Variants in ZDHHC8 observed in about 807,000 individuals in gnomAD.
The protein encoded by ZDHHC8 is zDHHC palmitoyltransferase 8, also known as palmitoyltransferase ZDHHC8.
In ZDHHC8, 24 loss-of-function variants were observed where a neutral mutation model predicts 61.2. The ratio of observed to expected loss-of-function variants is 0.39; its 90% CI spans 0.28 to 0.55. The LOEUF is 0.55. Among genes scored for constraint, ZDHHC8 ranks in the 20% least tolerant of loss-of-function variants. The pLI is 0.60. For synonymous variants in ZDHHC8, 523 were observed against 492.5 expected (o/e 1.06, Z -0.82); for missense variants, 935 against 1,102.1 (o/e 0.85, Z 2.15).
Position 20,131,970 on chromosome 22 carries a change from G to A in ZDHHC8, c.23G>A (p.Arg8His), listed in dbSNP as rs772041251. The change falls in exon 1 of 11, where the codon CGC becomes CAC. Residue 8 changes from arginine (R) to histidine (H), a missense_variant. By Grantham distance (29) the Arg-to-His change is conservative (BLOSUM62 0). Coordinates refer to ENST00000334554, the MANE Select transcript of ZDHHC8 (RefSeq NM_013373.4). ...AGGATGCCCCGCAGCCCCGGGACGC[G>A]CCTCAAACCCGCCAAGTACATCCCG... is the stretch of plus-strand genomic sequence containing the variant. MPRSPGT[R>H]LKPAKYIPVA... 3 of 1,315,728 alleles carry A rather than the reference G, an allele frequency of 2.3e-6. No individual in the cohort carries two copies. The highest frequency in any genetic ancestry group is 3.0e-5 in the South Asian group (2 of 67,262). 81.5% of individuals were successfully genotyped at this position (1,315,728 alleles called of 1,614,324 possible).
chr22:20,142,868 C>G lies in ZDHHC8; in HGVS notation c.1238C>G (p.Ala413Gly). The G allele has an allele frequency of 1.2e-6, 2 of 1,612,184 alleles. No individual in the cohort carries two copies. The highest frequency in any genetic ancestry group is 2.2e-5 in the South Asian group (2 of 91,022). Residue 413 changes from alanine (A) to glycine (G), a missense_variant, in exon 10 of 11, where the codon GCC (alanine) becomes GGC (glycine). Transcript: ENST00000334554. ...TATGGGCCAGGGGGCCTGCATGCAG[C>G]CTACCCGCCATCCCCACCGCTCAGC... is the stretch of plus-strand genomic sequence containing the variant. ...PDYGPGGLHAAYPPSPPLSAS... is the reference protein window; with the variant it reads ...PDYGPGGLHAGYPPSPPLSAS...
intron 9 of ZDHHC8, 133 bp from the exon 10 acceptor site, chr22:20,142,623 C>T (rs753974989): frequency 5.0e-6 from 6 of 1,193,740 alleles, no homozygotes; most frequent in Non-Finnish European, 7.1e-6. Flanking sequence ...CCATGGGTCA[C>T]TATGTGGCTC....
intron 4 of ZDHHC8, 89 bp from the exon 5 acceptor site, chr22:20,140,026 G>A: frequency 6.3e-7 from 1 of 1,592,314 alleles, no homozygotes; most frequent in Non-Finnish European, 8.6e-7. Flanking sequence ...CCCTAGGTTG[G>A]GAGGAGGTTT....
rs1242391895 is a variant in ZDHHC8, at chr22:20,146,009, G to A, written c.*609G>A. 4.1e-6 allele frequency: 4 copies of A among 985,934 alleles called. No individual in the cohort carries two copies. The highest frequency in any genetic ancestry group is 4.8e-6 in the Non-Finnish European group (4 of 830,086). 61.1% of individuals were successfully genotyped at this position (985,934 alleles called of 1,614,324 possible). On this transcript the variant is annotated 3_prime_UTR_variant, in exon 11 of 11. Transcript: ENST00000334554. The stretch of plus-strand genomic sequence containing the variant: ...CGGCCAGCCAGCCAGCTGTGGCCGG[G>A]GGCCCGGCTCCATGTGTCCCGTGTC...
At chr22:20,133,809 C>T (rs1218912314) in intron 1 of ZDHHC8, among the ~76,000 whole-genome samples, 1 of 151,798 alleles carries the variant, frequency 6.6e-6, no homozygotes, top group Non-Finnish European at 1.5e-5. Context: ...ATCAACCCCA[C>T]ACACCCCCCA....
chr22:20,146,454 T>A lies in ZDHHC8; in HGVS notation c.*1054T>A, dbSNP rs1359594419. The A allele has an allele frequency of 1.0e-6, 1 of 985,572 alleles. No individual in the cohort carries two copies. Among genetic ancestry groups the A allele is most frequent in the Middle Eastern group, 5.2e-4 (1 of 1,914 alleles). 61.1% of individuals were successfully genotyped at this position (985,572 alleles called of 1,614,324 possible). A position where few individuals can be genotyped will look rare whatever the true frequency, so the allele number is the denominator to read the frequency against. On this transcript the variant is annotated 3_prime_UTR_variant, in exon 11 of 11. Transcript: ENST00000334554. ...TTTTATTAAAAAAAAGAAAAAGAGTTATTTTGATTCTTTCCTTGGGCAAGG... is the reference window on the plus strand; with the variant it reads ...TTTTATTAAAAAAAAGAAAAAGAGTAATTTTGATTCTTTCCTTGGGCAAGG...
At chr22:20,144,231 C>T (rs1208635121) in intron 10 of ZDHHC8, among the ~76,000 whole-genome samples, 4 of 152,106 alleles carry the variant, frequency 2.6e-5, no homozygotes, top group Admixed American at 6.5e-5. Context: ...CCTGAGTGGC[C>T]GGGCCCTGGC....
rs1216601967 is a variant in ZDHHC8 at position 20,139,765 on chromosome 22, C to T, written c.430C>T (p.Arg144Ter). The part of the protein sequence containing the change: ...CPWVNNCIGR[R>*]NYRYFFLFLL... ...CTGGGTCAACAACTGCATCGGGCGT[C>T]GAAACTATCGCTACTTCTTCCTGTT... The change falls in exon 4 of 11, where the codon CGA (arginine) becomes TGA (stop). Residue 144 changes from arginine to a stop codon, truncating the protein, a stop_gained. Transcript: ENST00000334554. LOFTEE classifies it high-confidence loss of function. The T allele has an allele frequency of 1.9e-6, 3 of 1,612,964 alleles. No homozygotes were observed. Among genetic ancestry groups the T allele is most frequent in the Admixed American group, 1.7e-5 (1 of 60,010 alleles).
chr22:20,132,466 C>T (rs2050385317), intron 1 of ZDHHC8, among the ~76,000 whole-genome samples: 1 of 152,240 alleles, frequency 6.6e-6, no homozygotes, highest in Non-Finnish European at 1.5e-5. Context: ...CCTCTCGGGT[C>T]TCCTCCTGGC....
Position 20,147,534 on chromosome 22 carries a change from C to T in ZDHHC8, c.*2134C>T, listed in dbSNP as rs977292889. The T allele has an allele frequency of 4.4e-5, 12 of 275,172 alleles. No individual in the cohort carries two copies. The highest frequency in any genetic ancestry group is 2.4e-4 in the African/African-American group (11 of 45,448). The allele number at this position is 275,172 out of a possible 1,614,324, so 17.0% of individuals were successfully genotyped here. A position where few individuals can be genotyped will look rare whatever the true frequency, so the allele number is the denominator to read the frequency against. ...CCAAGCACTTTAGACTAAGCCACTT[C>T]CTCCTCGGGGAGCCCAGGCCTCCGT... On this transcript the variant is annotated 3_prime_UTR_variant, in exon 11 of 11. Transcript: ENST00000334554.
chr22:20,146,990 GCTT>G lies in ZDHHC8; in HGVS notation c.*1593_*1595del. ...CCCCGAAGCTGACCTCCACCTTTCT[GCTT>G]CTCTCTCACGGACGCCGCGGCCCGC... is the stretch of plus-strand genomic sequence containing the variant. On this transcript the variant is annotated 3_prime_UTR_variant, in exon 11 of 11. Coordinates refer to ENST00000334554, the MANE Select transcript of ZDHHC8 (RefSeq NM_013373.4). The G allele has an allele frequency of 7.2e-7, 1 of 1,391,820 alleles. No homozygotes were observed. The highest frequency in any genetic ancestry group is 1.6e-5 in the South Asian group (1 of 61,088). 86.2% of individuals were successfully genotyped at this position (1,391,820 alleles called of 1,614,324 possible).
rs2050510465 is a variant in ZDHHC8 at position 20,145,232 on chromosome 22, C to G, written c.2130C>G (p.Asp710Glu). The G allele has an allele frequency of 1.3e-6, 2 of 1,487,036 alleles. No individual in the cohort carries two copies. Among genetic ancestry groups the G allele is most frequent in the African/African-American group, 2.9e-5 (2 of 69,730 alleles). The allele number at this position is 1,487,036 out of a possible 1,614,324, so 92.1% of individuals were successfully genotyped here. Residue 710 changes from aspartate to glutamate, a missense_variant, in exon 11 of 11, where the codon GAC (aspartate) becomes GAG (glutamate). Physicochemically the swap from Asp to Glu is conservative, Grantham distance 45 (BLOSUM62 2). Transcript: ENST00000334554. ...EPPPSLTVQR[D>E]HPQLKTPPSK... is the part of the protein sequence containing the mutation. ...GTATGTGCTTGTTTTGATGCAGGGA[C>G]CACCCTCAGCTGAAGACTCCCCCAA...
At chr22:20,144,367 G>A (rs536412049) in intron 10 of ZDHHC8, among the ~76,000 whole-genome samples, 2 of 152,342 alleles carry the variant, frequency 1.3e-5, no homozygotes, top group East Asian at 1.9e-4. Flanking sequence ...GGCGGGGTCA[G>A]CTGGCTCACA....
chr22:20,136,828 T>A (rs780121042), intron 1 of ZDHHC8, among the ~76,000 whole-genome samples: 1 of 152,228 alleles, frequency 6.6e-6, no homozygotes, highest in East Asian at 1.9e-4. Context: ...TATATTTGTG[T>A]GTGTGCACAC....
At position 20,139,744 on chromosome 22, in the gene ZDHHC8, G is replaced by A. The variant is rs200845148; in HGVS notation, c.409G>A (p.Val137Ile). Reference sequence around the variant, plus strand: ...GGACTTTGACCACCACTGCCCCTGGGTCAACAACTGCATCGGGCGTCGAAA... The same window carrying A: ...GGACTTTGACCACCACTGCCCCTGGATCAACAACTGCATCGGGCGTCGAAA... ...VEDFDHHCPW[V>I]NNCIGRRNYR... is the part of the protein sequence containing the mutation. Residue 137 changes from valine to isoleucine, a missense_variant, in exon 4 of 11, where the codon GTC (valine) becomes ATC (isoleucine). Around this residue, in one of 3 missense-constraint regions of ZDHHC8, gnomAD observed 199 missense variants for 334.0 expected, o/e 0.60. Coordinates refer to ENST00000334554, the MANE Select transcript of ZDHHC8 (RefSeq NM_013373.4). 6.2e-7 allele frequency: 1 copy of A among 1,612,778 alleles called. No homozygotes were observed. Among genetic ancestry groups the A allele is most frequent in the East Asian group, 2.2e-5 (1 of 44,888 alleles).
rs759701338 is a variant in ZDHHC8 at position 20,142,739 on chromosome 22, A to T, written c.1126-17A>T. 3 of 1,611,674 alleles carry T rather than the reference A, an allele frequency of 1.9e-6. No homozygotes were observed. The highest frequency in any genetic ancestry group is 1.7e-5 in the Admixed American group (1 of 59,960). On this transcript the variant is annotated splice_polypyrimidine_tract_variant and intron_variant, in intron 9 of 10. Coordinates refer to ENST00000334554, the MANE Select transcript of ZDHHC8 (RefSeq NM_013373.4). Reference sequence around the variant, plus strand: ...GGGTGGCAGGTGGGCAGTGGTGAGAATGCCTTCTCCCTACAGGTTCCAGGC... The same window carrying T: ...GGGTGGCAGGTGGGCAGTGGTGAGATTGCCTTCTCCCTACAGGTTCCAGGC...
Position 20,139,271 on chromosome 22 carries a change from A to G in ZDHHC8, c.182A>G (p.Asn61Ser). 1.9e-6 allele frequency: 3 copies of G among 1,613,912 alleles called. No homozygotes were observed. Among genetic ancestry groups the G allele is most frequent in the South Asian group, 1.1e-5 (1 of 91,082 alleles). Reference protein sequence around the residue: ...NGIIFLFVLANFSMATFMDPG... With the variant: ...NGIIFLFVLASFSMATFMDPG... ...ATCATCTTCCTCTTTGTCCTGGCCA[A>G]CTTCAGCATGGCCACTTTCATGGAC... is the stretch of plus-strand genomic sequence containing the variant. The change falls in exon 2 of 11, where the codon AAC becomes AGC. Residue 61 changes from asparagine (N) to serine (S), a missense_variant. Around this residue, in one of 3 missense-constraint regions of ZDHHC8, gnomAD observed 199 missense variants for 334.0 expected, o/e 0.60. Transcript: ENST00000334554.
At position 20,146,919 on chromosome 22, in the gene ZDHHC8, T is replaced by C. The variant is rs9606261; in HGVS notation, c.*1519T>C. Reference sequence around the variant, plus strand: ...GCACAGCTGTTCAGGGCTGAGACATTCTGGGCTGGGGCTGTCCCAGCGTGG... The same window carrying C: ...GCACAGCTGTTCAGGGCTGAGACATCCTGGGCTGGGGCTGTCCCAGCGTGG... On this transcript the variant is annotated 3_prime_UTR_variant, in exon 11 of 11. Transcript: ENST00000334554. The C allele has an allele frequency of 0.22, 288,087 of 1,338,042 alleles. 32,641 individuals carry two copies. Among genetic ancestry groups the C allele is most frequent in the South Asian group, 0.28 (14,343 of 51,784 alleles). The allele number at this position is 1,338,042 out of a possible 1,614,324, so 82.9% of individuals were successfully genotyped here.
chr22:20,141,005 G>T lies in ZDHHC8; in HGVS notation c.887G>T (p.Arg296Leu), dbSNP rs374017537. 4 of 1,610,748 alleles carry T rather than the reference G, an allele frequency of 2.5e-6. No homozygotes were observed. Among genetic ancestry groups the T allele is most frequent in the Non-Finnish European group, 3.4e-6 (4 of 1,179,954 alleles). Reference protein sequence around the residue: ...SDNGLKAGLGRSKSKGSLDRL... With the variant: ...SDNGLKAGLGLSKSKGSLDRL... ...AACGGGCTGAAGGCTGGCCTGGGCC[G>T]TAGCAAGGTGGGCGCCTGGGCTTAG... The change falls in exon 7 of 11, where the codon CGT becomes CTT. Residue 296 changes from arginine (R) to leucine (L), a missense_variant. By Grantham distance (102) the Arg-to-Leu change is moderately radical. Transcript: ENST00000334554.
Sources: gnomAD v4.1 joint callset for allele counts (sites outside exome capture counted in the v4.1 genomes callset) on GRCh38, gnomAD v4.1.1 for gene constraint, gnomAD v4.1.1 regional missense constraint, MANE v1.5 for transcripts, NCBI Gene and HGNC (gene_info 2026-07-23, HGNC 2026-07-21) for gene names.